The following TRHDE variants were observed in gnomAD, a reference collection of about 807,000 sequenced individuals.
TRHDE encodes thyrotropin-releasing hormone-degrading ectoenzyme.
In TRHDE, 72 loss-of-function variants were observed where a neutral mutation model predicts 125.7. That is an observed-to-expected ratio of 0.57 (90% CI 0.47 to 0.70). TRHDE has a LOEUF of 0.70. Among genes scored for constraint, TRHDE ranks in the 30% least tolerant of loss-of-function variants. The probability of loss-of-function intolerance (pLI) is 0.00; values close to 1 mark genes in which losing one functional copy is unlikely to be tolerated. For synonymous variants in TRHDE, 509 were observed against 509.1 expected (o/e 1.00, Z 0.00); for missense variants, 1,110 against 1,327.1 (o/e 0.84, Z 2.54).
chr12:72,485,544 G>T (rs1236870964), intron 5 of TRHDE, among the ~76,000 whole-genome samples: 1 of 152,092 alleles, frequency 6.6e-6, no homozygotes, highest in East Asian at 1.9e-4. Context: ...ACAGCTGAGG[G>T]ACATCAGGGG....
chr12:72,128,349 A>G (rs1164268487), intron 2 of TRHDE, among the ~76,000 whole-genome samples: 1 of 152,130 alleles, frequency 6.6e-6, no homozygotes, highest in Non-Finnish European at 1.5e-5. Flanking sequence ...AAGCTCAACA[A>G]CATTCATAGA....
chr12:72,160,468 T>C (rs1405101413), intron 2 of TRHDE, among the ~76,000 whole-genome samples: 2 of 152,096 alleles, frequency 1.3e-5, no homozygotes, highest in East Asian at 3.9e-4. Flanking sequence ...GTGGATCACC[T>C]GAGGTCAGCA....
intron 2 of TRHDE, among the ~76,000 whole-genome samples, chr12:72,188,929 G>A (rs1877283659): frequency 6.6e-6 from 1 of 152,256 alleles, no homozygotes; most frequent in East Asian, 1.9e-4. Context: ...TACCCCATGA[G>A]GGTCAGGAGA....
At chr12:72,317,328 A>G (rs913899924) in intron 2 of TRHDE, among the ~76,000 whole-genome samples, 1 of 152,212 alleles carries the variant, frequency 6.6e-6, no homozygotes, top group African/African-American at 2.4e-5. Flanking sequence ...GAGAATTTTA[A>G]TATGGCAGAT....
intron 12 of TRHDE, among the ~76,000 whole-genome samples, chr12:72,586,574 A>T (rs997177319): frequency 2.0e-5 from 3 of 152,252 alleles, no homozygotes; most frequent in Middle Eastern, 3.4e-3. Context: ...AGAAGCTAAG[A>T]AGTAGTTCTG....
intron 1 of TRHDE, among the ~76,000 whole-genome samples, chr12:72,089,491 T>C (rs1451191809): frequency 6.6e-6 from 1 of 152,214 alleles, no homozygotes; most frequent in East Asian, 1.9e-4. Context: ...TGTGCAGACT[T>C]CTTTGGGTTC....
chr12:72,616,832 G>A (rs989638155), intron 12 of TRHDE, among the ~76,000 whole-genome samples: 2 of 151,966 alleles, frequency 1.3e-5, no homozygotes, highest in Admixed American at 1.3e-4. Flanking sequence ...TATACAATTT[G>A]TGGCATGTAT....
At chr12:72,457,979 C>T (rs1190814946) in intron 3 of TRHDE, among the ~76,000 whole-genome samples, 2 of 152,104 alleles carry the variant, frequency 1.3e-5, no homozygotes, top group African/African-American at 4.8e-5. Flanking sequence ...AAATTGATTT[C>T]CAGCTACCTC....
At chr12:72,512,377 G>A (rs1169172157) in intron 6 of TRHDE, among the ~76,000 whole-genome samples, 1 of 141,320 alleles carries the variant, frequency 7.1e-6, no homozygotes, top group Non-Finnish European at 1.5e-5. Context: ...AGTATAAATG[G>A]AATATATAAT....
intron 12 of TRHDE, among the ~76,000 whole-genome samples, chr12:72,602,887 C>T (rs757335363): frequency 6.6e-6 from 1 of 152,180 alleles, no homozygotes; most frequent in Admixed American, 6.5e-5. Flanking sequence ...GCAGCAACTA[C>T]TTCTACTGGA....
intron 2 of TRHDE, among the ~76,000 whole-genome samples, chr12:72,353,316 C>T: frequency 6.6e-6 from 1 of 151,386 alleles, no homozygotes; most frequent in Non-Finnish European, 1.5e-5. Flanking sequence ...TAGATTGATA[C>T]ACAGAATATA....
intron 2 of TRHDE, among the ~76,000 whole-genome samples, chr12:72,140,903 G>A (rs1876096392): frequency 6.6e-6 from 1 of 152,118 alleles, no homozygotes; most frequent in Non-Finnish European, 1.5e-5. Context: ...TGAGGAAGGA[G>A]TAGTAACTGC....
intron 6 of TRHDE, among the ~76,000 whole-genome samples, chr12:72,509,533 A>T (rs1373147452): frequency 6.6e-6 from 1 of 152,060 alleles, no homozygotes; most frequent in Non-Finnish European, 1.5e-5. Flanking sequence ...TGTAGGAAAA[A>T]TGTTACTCCA....
intron 2 of TRHDE, among the ~76,000 whole-genome samples, chr12:72,339,976 T>G (rs1486786263): frequency 6.6e-6 from 1 of 152,208 alleles, no homozygotes; most frequent in African/African-American, 2.4e-5. Context: ...GTGACAACAC[T>G]GAAGAAACTT....
chr12:72,452,871 A>G (rs1337487807), intron 3 of TRHDE, among the ~76,000 whole-genome samples: 1 of 152,074 alleles, frequency 6.6e-6, no homozygotes, highest in Non-Finnish European at 1.5e-5. Flanking sequence ...AGGCTTCCCT[A>G]GAAGCCAAGC....
intron 2 of TRHDE, among the ~76,000 whole-genome samples, chr12:72,187,352 C>CACAA (rs1440919852): frequency 6.7e-6 from 1 of 148,710 alleles, no homozygotes; most frequent in Non-Finnish European, 1.5e-5. Flanking sequence ...CACACACACA[C>CACAA]ACACACACAC....
chr12:72,251,036 C>A (rs1436184397), intron 2 of TRHDE, among the ~76,000 whole-genome samples: 1 of 151,500 alleles, frequency 6.6e-6, no homozygotes, highest in South Asian at 2.1e-4. Flanking sequence ...TATCCATCAC[C>A]CAGTTTCTCC....
chr12:72,110,317 A>G (rs1006594927), intron 2 of TRHDE, among the ~76,000 whole-genome samples: 2 of 152,128 alleles, frequency 1.3e-5, no homozygotes, highest in African/African-American at 4.8e-5. Flanking sequence ...TTCCTACAAC[A>G]GTCAGGTGAG....
intron 2 of TRHDE, among the ~76,000 whole-genome samples, chr12:72,362,788 C>A (rs1488138282): frequency 2.0e-5 from 3 of 152,024 alleles, no homozygotes; most frequent in South Asian, 4.1e-4. Flanking sequence ...ATATGGCTAG[C>A]CAGTTTTCCC....
Sources: allele counts gnomAD v4.1 joint callset (sites outside exome capture counted in the v4.1 genomes callset), GRCh38; gene constraint gnomAD v4.1.1; transcripts MANE v1.5; gene names NCBI Gene and HGNC (gene_info 2026-07-23, HGNC 2026-07-21).